The following SLC49A4 variants were observed in gnomAD, a reference collection of about 807,000 sequenced individuals.
The protein encoded by SLC49A4 is solute carrier family 49 member 4.
A neutral mutation model predicts 50.6 loss-of-function variants in SLC49A4; 36 were observed. The ratio of observed to expected loss-of-function variants is 0.71; its 90% CI spans 0.55 to 0.94. The LOEUF is 0.94. Ranked by LOEUF, SLC49A4 falls within the 40% of genes least tolerant of loss-of-function variation. SLC49A4 has a pLI of 0.00. For synonymous variants in SLC49A4, 248 were observed against 241.2 expected (o/e 1.03, Z -0.26); for missense variants, 503 against 605.7 (o/e 0.83, Z 1.78).
intron 1 of SLC49A4, among the ~76,000 whole-genome samples, chr3:122,804,313 AAGCCATTC>A (rs901017246): frequency 1.5e-4 from 23 of 152,336 alleles, no homozygotes; most frequent in African/African-American, 5.1e-4. Flanking sequence ...GGGATGGCCC[AAGCCATTC>A]ATGAGGATCT....
At chr3:122,877,787 T>TTAA in intron 8 of SLC49A4, among the ~76,000 whole-genome samples, 1 of 17,730 alleles carries the variant, frequency 5.6e-5, no homozygotes, top group Non-Finnish European at 4.7e-4. Context: ...GGTTATATAG[T>TTAA]CAAAAGCAGA....
intron 1 of SLC49A4, among the ~76,000 whole-genome samples, chr3:122,797,954 C>G (rs906645567): frequency 6.6e-6 from 1 of 152,180 alleles, no homozygotes; most frequent in African/African-American, 2.4e-5. Context: ...GCACTCCAGC[C>G]TCAGTGACAG....
intron 1 of SLC49A4, among the ~76,000 whole-genome samples, chr3:122,796,375 T>C (rs1444580109): frequency 6.6e-6 from 1 of 152,250 alleles, no homozygotes; most frequent in Non-Finnish European, 1.5e-5. Context: ...ATAAGTTTTG[T>C]TGCAATGAGT....
intron 1 of SLC49A4, among the ~76,000 whole-genome samples, chr3:122,802,236 G>T (rs1936144505): frequency 6.6e-6 from 1 of 152,142 alleles, no homozygotes; most frequent in Admixed American, 6.5e-5. Context: ...GCAGGACAGG[G>T]CAGTGATCCC....
intron 2 of SLC49A4, among the ~76,000 whole-genome samples, chr3:122,814,858 C>T (rs1024814249): frequency 1.8e-4 from 27 of 151,954 alleles, no homozygotes; most frequent in Middle Eastern, 3.4e-3. Context: ...TGGCCCAAGA[C>T]GGTTCTTCTT....
At chr3:122,799,360 GA>G (rs1411134363) in intron 1 of SLC49A4, among the ~76,000 whole-genome samples, 3 of 152,198 alleles carry the variant, frequency 2.0e-5, no homozygotes, top group African/African-American at 7.2e-5. Flanking sequence ...AAGGAAAAAT[GA>G]CACCTGACAT....
rs188158816 is a variant in SLC49A4 at position 122,836,894 on chromosome 3, T to A, written c.833+3448T>A. ...AGGATACAAAATTAATGTACAAAAATCACAAGCATTCTTATACACCAATAG... is the reference window on the plus strand; with the variant it reads ...AGGATACAAAATTAATGTACAAAAAACACAAGCATTCTTATACACCAATAG... On this transcript the variant is annotated intron_variant, in intron 4 of 8. Transcript: ENST00000261038. 7.2e-3 allele frequency among the ~76,000 whole-genome samples: 1,095 copies of A among 152,212 alleles called. 4 individuals carry two copies. The highest frequency in any genetic ancestry group is 0.023 in the African/African-American group (947 of 41,502).
At chr3:122,836,495 T>G (rs1420992034) in intron 4 of SLC49A4, among the ~76,000 whole-genome samples, 1 of 152,208 alleles carries the variant, frequency 6.6e-6, no homozygotes, top group African/African-American at 2.4e-5. Context: ...GGTATCAGGA[T>G]GATGCTGGCC....
intron 2 of SLC49A4, among the ~76,000 whole-genome samples, chr3:122,822,880 G>C (rs181145836): frequency 1.6e-4 from 24 of 152,280 alleles, no homozygotes; most frequent in Admixed American, 2.6e-4. Context: ...TGTTTGCACA[G>C]AGTTATGGGT....
chr3:122,795,447 C>T lies in SLC49A4; in HGVS notation c.255C>T (p.Phe85=), dbSNP rs772517106. 2.5e-6 allele frequency: 4 copies of T among 1,607,562 alleles called. No individual in the cohort carries two copies. The highest frequency in any genetic ancestry group is 1.3e-5 in the African/African-American group (1 of 74,934). ...IQNSARQAYG[F]SSWDIALLVL... ...ACTCGGCGCGCCAGGCCTACGGCTT[C>T]TCCAGCTGGGACATCGCGCTGCTCG... The change falls in exon 1 of 9, where the codon TTC becomes TTT. Residue 85 remains phenylalanine, a synonymous_variant. Transcript: ENST00000261038.
chr3:122,850,017 A>G (rs1357738056), intron 5 of SLC49A4, among the ~76,000 whole-genome samples: 1 of 152,092 alleles, frequency 6.6e-6, no homozygotes, highest in Non-Finnish European at 1.5e-5. Context: ...CGCTGCCAGC[A>G]CTCATTTAAT....
At chr3:122,835,868 C>T (rs1936676912) in intron 4 of SLC49A4, among the ~76,000 whole-genome samples, 1 of 152,096 alleles carries the variant, frequency 6.6e-6, no homozygotes, top group African/African-American at 2.4e-5. Context: ...AAGACTCTTC[C>T]AAAAGACTCC....
intron 1 of SLC49A4, among the ~76,000 whole-genome samples, chr3:122,805,360 A>G (rs1736114200): frequency 6.6e-6 from 1 of 152,194 alleles, no homozygotes; most frequent in African/African-American, 2.4e-5. Context: ...ATTATCCTTA[A>G]TGTAGCATGT....
intron 7 of SLC49A4, among the ~76,000 whole-genome samples, chr3:122,867,719 C>T (rs895453695): frequency 2.0e-5 from 3 of 152,226 alleles, no homozygotes; most frequent in Admixed American, 6.5e-5. Context: ...CGGTGGCTCA[C>T]GCCTGTAATC....
intron 2 of SLC49A4, among the ~76,000 whole-genome samples, chr3:122,824,707 C>CT (rs1936501276): frequency 7.4e-6 from 1 of 134,622 alleles, no homozygotes; most frequent in Non-Finnish European, 1.6e-5. Context: ...TCTTCCTTTC[C>CT]TTTCCTTTCT....
chr3:122,806,249 A>G (rs1425699818), intron 1 of SLC49A4, among the ~76,000 whole-genome samples: 3 of 152,178 alleles, frequency 2.0e-5, no homozygotes, highest in Non-Finnish European at 4.4e-5. Flanking sequence ...TATTTGCCAT[A>G]TTTTTAAGTA....
chr3:122,849,012 C>T (rs1292637886), intron 5 of SLC49A4, among the ~76,000 whole-genome samples: 1 of 152,172 alleles, frequency 6.6e-6, no homozygotes, highest in East Asian at 1.9e-4. Flanking sequence ...CATTCTGCTT[C>T]CCTGAAATCC....
chr3:122,862,257 A>G (rs1937066374), intron 7 of SLC49A4, among the ~76,000 whole-genome samples: 1 of 152,150 alleles, frequency 6.6e-6, no homozygotes, highest in Non-Finnish European at 1.5e-5. Context: ...GATTAATGGG[A>G]TTGTTAGCTG....
At chr3:122,847,317 CTT>C (rs937400694) in intron 5 of SLC49A4, among the ~76,000 whole-genome samples, 1 of 150,596 alleles carries the variant, frequency 6.6e-6, no homozygotes, top group Non-Finnish European at 1.5e-5. Context: ...TCTAGAATCT[CTT>C]TATTGTGTCA....
Sources: gnomAD v4.1 joint callset for allele counts (sites outside exome capture counted in the v4.1 genomes callset) on GRCh38, gnomAD v4.1.1 for gene constraint, MANE v1.5 for transcripts, NCBI Gene and HGNC (gene_info 2026-07-23, HGNC 2026-07-21) for gene names.